GPC3: variants seen among roughly 807,000 people sequenced by gnomAD.
GPC3 encodes glypican-3.
A neutral mutation model predicts 34.4 loss-of-function variants in GPC3; 3 were observed. That is an observed-to-expected ratio of 0.09 (90% CI 0.04 to 0.23). The LOEUF (loss-of-function observed/expected upper bound fraction) is 0.23. Among genes scored for constraint, GPC3 ranks in the 10% least tolerant of loss-of-function variants. GPC3 has a pLI of 1.00. For synonymous variants in GPC3, 177 were observed against 174.0 expected, an observed-to-expected ratio of 1.02 and a Z score of -0.13; for missense variants, 351 against 445.6, an observed-to-expected ratio of 0.79 and a Z score of 1.91.
intron 2 of GPC3, among the ~76,000 whole-genome samples, chrX:133,903,448 G>T (rs1282243402): frequency 1.8e-5 from 2 of 110,063 alleles, no homozygotes; most frequent in African/African-American, 6.6e-5. Context: ...AATTAGCCAG[G>T]CGCAGTGGCG....
intron 2 of GPC3, among the ~76,000 whole-genome samples, chrX:133,821,627 T>C (rs930402701): frequency 9.0e-6 from 1 of 111,562 alleles, no homozygotes; most frequent in Non-Finnish European, 1.9e-5. Context: ...AGCTCCCTCA[T>C]CCACATAACA....
chrX:133,873,701 G>T (rs1410001005), intron 2 of GPC3, among the ~76,000 whole-genome samples: 1 of 111,345 alleles, frequency 9.0e-6, no homozygotes, highest in East Asian at 2.8e-4. Flanking sequence ...TATTGGCAGG[G>T]TGAACTGAAT....
intron 3 of GPC3, among the ~76,000 whole-genome samples, chrX:133,727,002 C>A (rs2071415060): frequency 8.9e-6 from 1 of 112,039 alleles, no homozygotes; most frequent in South Asian, 3.7e-4. Flanking sequence ...TCTCCTGCTT[C>A]TTCTCAAAGG....
At chrX:133,645,824 T>C (rs1384259501) in intron 6 of GPC3, among the ~76,000 whole-genome samples, 1 of 110,358 alleles carries the variant, frequency 9.1e-6, no homozygotes, top group Non-Finnish European at 1.9e-5. Flanking sequence ...TCTTAAATTA[T>C]GTGGAAGATG....
chrX:133,864,625 G>A (rs1245253419), intron 2 of GPC3, among the ~76,000 whole-genome samples: 1 of 112,459 alleles, frequency 8.9e-6, no homozygotes, highest in African/African-American at 3.2e-5. Flanking sequence ...GTAACTGACA[G>A]ATTGGCTGTA....
chrX:133,813,712 T>A (rs1365462656), intron 2 of GPC3, among the ~76,000 whole-genome samples: 1 of 112,378 alleles, frequency 8.9e-6, no homozygotes, highest in East Asian at 2.8e-4. Flanking sequence ...GAGCTAGTGG[T>A]GCACGGAGCA....
intron 2 of GPC3, among the ~76,000 whole-genome samples, chrX:133,804,264 T>C (rs1357366288): frequency 9.0e-6 from 1 of 111,535 alleles, no homozygotes; most frequent in Non-Finnish European, 1.9e-5. Flanking sequence ...GCCAATGCGC[T>C]AACCTGGCTG....
chrX:133,871,701 T>C (rs1245667153), intron 2 of GPC3, among the ~76,000 whole-genome samples: 1 of 111,989 alleles, frequency 8.9e-6, no homozygotes, highest in South Asian at 3.7e-4. Context: ...AGGTGATATA[T>C]AGTGGAAGTT....
chrX:133,941,065 C>T (rs1396837482), intron 2 of GPC3, among the ~76,000 whole-genome samples: 1 of 112,560 alleles, frequency 8.9e-6, no homozygotes, highest in Non-Finnish European at 1.9e-5. Flanking sequence ...TTTTTCCAGG[C>T]ACCAAAGAAG....
intron 2 of GPC3, among the ~76,000 whole-genome samples, chrX:133,794,720 G>T (rs761213637): frequency 8.9e-6 from 1 of 111,998 alleles, no homozygotes; most frequent in Non-Finnish European, 1.9e-5. Flanking sequence ...CACTGTAAAT[G>T]CACTTCCTTA....
chrX:133,849,406 A>G (rs1348602117), intron 2 of GPC3, among the ~76,000 whole-genome samples: 1 of 111,906 alleles, frequency 8.9e-6, no homozygotes, highest in African/African-American at 3.3e-5. Context: ...TGAAATTCAA[A>G]TACAAATTTT....
chrX:133,805,037 T>C (rs2075629066), intron 2 of GPC3, among the ~76,000 whole-genome samples: 1 of 111,970 alleles, frequency 8.9e-6, no homozygotes, highest in Non-Finnish European at 1.9e-5. Flanking sequence ...CCAACAGTTT[T>C]TCAGAGAAAC....
chrX:133,736,086 C>T (rs774403288), intron 3 of GPC3, among the ~76,000 whole-genome samples: 2 of 111,396 alleles, frequency 1.8e-5, no homozygotes, highest in African/African-American at 3.3e-5. Flanking sequence ...TTTCAATAGA[C>T]GTTTTACCAA....
intron 2 of GPC3, among the ~76,000 whole-genome samples, chrX:133,896,554 T>G (rs1428332417): frequency 1.8e-5 from 2 of 111,499 alleles, no homozygotes; most frequent in Non-Finnish European, 3.8e-5. Flanking sequence ...AGGTTCCTGG[T>G]AGTCAAATTT....
chrX:133,615,602 C>T (rs141575085), intron 6 of GPC3, among the ~76,000 whole-genome samples: 1,790 of 108,793 alleles, frequency 0.016, 32 homozygotes, highest in African/African-American at 0.056. Flanking sequence ...TGGGGCCTGT[C>T]GGTGGGTGAG....
chrX:133,604,460 C>T lies in GPC3; in HGVS notation c.1414-7861G>A, dbSNP rs749476430. Among the ~76,000 whole-genome samples, 10 of 111,353 alleles carry T rather than the reference C, an allele frequency of 9.0e-5. No individual in the cohort carries two copies. The South Asian group carries it at 3.8e-3, about 42-fold the overall frequency. ...AACAACATTGGATGCTTTCTGCTTG[C>T]TTTCCCCAGGCTTGTCATCTACTGT... On this transcript the variant is annotated intron_variant, in intron 6 of 7. Transcript: ENST00000370818.
intron 2 of GPC3, among the ~76,000 whole-genome samples, chrX:133,757,716 G>C (rs932035451): frequency 1.8e-5 from 2 of 111,055 alleles, no homozygotes; most frequent in African/African-American, 3.3e-5. Flanking sequence ...TGTAAGAATG[G>C]CAAATACTTA....
At position 133,752,138 on chromosome X, in the gene GPC3, G is replaced by C. The variant is rs148322472; in HGVS notation, c.1032+1344C>G. 7.4e-4 allele frequency among the ~76,000 whole-genome samples: 82 copies of C among 111,209 alleles called. No individual in the cohort carries two copies. In the East Asian group the frequency reaches 0.021, roughly 29 times the overall value. ...CCGCCTAGGCATCCCAAAGTGTTGG[G>C]ATTACAGGCTTAAGCCACAGCACCT... On this transcript the variant is annotated intron_variant, in intron 3 of 7. Coordinates refer to ENST00000370818, the MANE Select transcript of GPC3 (RefSeq NM_004484.4).
Position 133,777,384 on chromosome X carries a change from T to C in GPC3, c.338-23208A>G, listed in dbSNP as rs73564973. On this transcript the variant is annotated intron_variant, in intron 2 of 7. Transcript: ENST00000370818. Reference sequence around the variant, plus strand: ...CAAATTCTTGATGTGAAATTATGACTTCATGGTGCCCACCTCCTTTTCTCA... The same window carrying C: ...CAAATTCTTGATGTGAAATTATGACCTCATGGTGCCCACCTCCTTTTCTCA... Among the ~76,000 whole-genome samples the C allele has an allele frequency of 1.0e-2, 1,105 of 110,881 alleles. 13 individuals carry two copies. Among genetic ancestry groups the C allele is most frequent in the African/African-American group, 0.034 (1,024 of 30,427 alleles).
Sources: gnomAD v4.1 joint callset for allele counts (sites outside exome capture counted in the v4.1 genomes callset) on GRCh38, gnomAD v4.1.1 for gene constraint, MANE v1.5 for transcripts, NCBI Gene and HGNC (gene_info 2026-07-23, HGNC 2026-07-21) for gene names.